TMEM132C: variants seen among roughly 807,000 people sequenced by gnomAD.
TMEM132C encodes the protein protein phosphatase 1, regulatory subunit 152.
Under a neutral mutation model 61.4 loss-of-function variants are expected in TMEM132C, and 29 were observed. The observed-to-expected ratio is 0.47, with a 90% CI of 0.35 to 0.64. The LOEUF (loss-of-function observed/expected upper bound fraction) is 0.64. Ranked by LOEUF, TMEM132C falls within the 30% of genes least tolerant of loss-of-function variation. The pLI is 0.00. For synonymous variants in TMEM132C, 656 were observed against 633.1 expected (o/e 1.04, Z -0.54); for missense variants, 1,408 against 1,476.9 (o/e 0.95, Z 0.76).
intron 2 of TMEM132C, among the ~76,000 whole-genome samples, chr12:128,538,713 A>G (rs905304955): frequency 6.6e-6 from 1 of 152,218 alleles, no homozygotes; most frequent in Non-Finnish European, 1.5e-5. Flanking sequence ...CGAGTAACGC[A>G]CTGATGTTGA....
At chr12:128,340,821 TTC>T (rs1282418066) in intron 1 of TMEM132C, among the ~76,000 whole-genome samples, 4 of 146,828 alleles carry the variant, frequency 2.7e-5, no homozygotes, top group Admixed American at 6.7e-5. Flanking sequence ...CTCTCTTTCT[TTC>T]TGTCTTTCTC....
In TMEM132C at chr12:128,704,005, C is replaced by T. The variant is rs138647397; in HGVS notation, c.2122-1085C>T. Among the ~76,000 whole-genome samples, 10 of 152,246 alleles carry T rather than the reference C, an allele frequency of 6.6e-5. No homozygotes were observed. In the East Asian group the frequency reaches 1.7e-3, roughly 26 times the overall value. ...TCTGTGGGATTATGTTTGCTGTGGG[C>T]ACACAAAGGGGAGAGGATGTCATTA... On this transcript the variant is annotated intron_variant, in intron 8 of 8. Transcript: ENST00000435159.
intron 4 of TMEM132C, among the ~76,000 whole-genome samples, chr12:128,665,176 C>T (rs1029294742): frequency 1.3e-5 from 2 of 148,248 alleles, no homozygotes; most frequent in South Asian, 2.1e-4. Context: ...CAAACAGGCA[C>T]ACACACACAC....
chr12:128,349,629 T>C (rs1873276720), intron 1 of TMEM132C, among the ~76,000 whole-genome samples: 1 of 152,222 alleles, frequency 6.6e-6, no homozygotes, highest in Admixed American at 6.5e-5. Context: ...TACCAATACC[T>C]ATTGGGCTCC....
At chr12:128,537,788 C>A (rs1385591991) in intron 2 of TMEM132C, among the ~76,000 whole-genome samples, 1 of 152,046 alleles carries the variant, frequency 6.6e-6, no homozygotes, top group Non-Finnish European at 1.5e-5. Flanking sequence ...CATGTGAAAA[C>A]GTGTAAAATC....
At chr12:128,429,462 C>T (rs555520005) in intron 2 of TMEM132C, among the ~76,000 whole-genome samples, 9 of 152,266 alleles carry the variant, frequency 5.9e-5, no homozygotes, top group East Asian at 1.9e-4. Context: ...CTGTGGATCA[C>T]GAATGTGCCC....
intron 2 of TMEM132C, among the ~76,000 whole-genome samples, chr12:128,455,654 G>A (rs144123396): frequency 5.6e-4 from 85 of 152,258 alleles, no homozygotes; most frequent in African/African-American, 2.0e-3. Context: ...TAATAGAAAC[G>A]TATGATCTTG....
chr12:128,441,902 TGAGGCAGGAGAATCACTTGAACCGGA>T (rs975391073), intron 2 of TMEM132C, among the ~76,000 whole-genome samples: 1 of 152,186 alleles, frequency 6.6e-6, no homozygotes, highest in African/African-American at 2.4e-5. Context: ...CTTGGGAGGC[TGAGGCAGGAGAATCACTTGAACCGGA>T]GAGGCAGAGG....
intron 2 of TMEM132C, among the ~76,000 whole-genome samples, chr12:128,419,155 A>G (rs1683726): frequency 0.82 from 124,602 of 151,862 alleles, 53,846 homozygotes; most frequent in South Asian, 0.98. Context: ...TGACACAACC[A>G]AAGGGCATAG....
intron 3 of TMEM132C, among the ~76,000 whole-genome samples, chr12:128,549,039 G>T (rs1020122738): frequency 6.6e-6 from 1 of 152,148 alleles, no homozygotes; most frequent in African/African-American, 2.4e-5. Flanking sequence ...TCCAAGCTTT[G>T]CTCTCATGCT....
intron 2 of TMEM132C, among the ~76,000 whole-genome samples, chr12:128,462,037 C>T (rs1224540474): frequency 6.6e-6 from 1 of 152,194 alleles, no homozygotes; most frequent in Non-Finnish European, 1.5e-5. Flanking sequence ...CTGTGAAATC[C>T]AGCCTCCTTG....
At chr12:128,531,896 A>G (rs1048898352) in intron 2 of TMEM132C, among the ~76,000 whole-genome samples, 1 of 152,138 alleles carries the variant, frequency 6.6e-6, no homozygotes, top group African/African-American at 2.4e-5. Flanking sequence ...GAGTAAGATG[A>G]CCCTGCTCAC....
At chr12:128,496,352 T>C (rs1871958374) in intron 2 of TMEM132C, among the ~76,000 whole-genome samples, 2 of 152,186 alleles carry the variant, frequency 1.3e-5, no homozygotes, top group South Asian at 2.1e-4. Context: ...TGGCGTTCTC[T>C]GTATTTCCTG....
chr12:128,656,271 G>A (rs376245377), intron 4 of TMEM132C, among the ~76,000 whole-genome samples: 117 of 152,170 alleles, frequency 7.7e-4, no homozygotes, highest in African/African-American at 2.7e-3. Flanking sequence ...GGCTGGTCTC[G>A]AACTCCTGAC....
chr12:128,369,634 TAA>T (rs1407254126), intron 1 of TMEM132C, among the ~76,000 whole-genome samples: 2 of 152,224 alleles, frequency 1.3e-5, no homozygotes, highest in African/African-American at 4.8e-5. Context: ...TTCATTTGAA[TAA>T]AAGACTCCAC....
chr12:128,559,372 A>C (rs2136162372), intron 3 of TMEM132C, among the ~76,000 whole-genome samples: 1 of 152,226 alleles, frequency 6.6e-6, no homozygotes, highest in South Asian at 2.1e-4. Context: ...GGTTATTCTC[A>C]GGTTTTTTGG....
intron 1 of TMEM132C, among the ~76,000 whole-genome samples, chr12:128,323,141 G>T (rs116615414): frequency 0.021 from 3,213 of 152,268 alleles, 106 homozygotes; most frequent in African/African-American, 0.073. Flanking sequence ...CATTACAGAA[G>T]AAAACTTCCA....
At chr12:128,606,350 C>T (rs1005300692) in intron 3 of TMEM132C, among the ~76,000 whole-genome samples, 11 of 152,218 alleles carry the variant, frequency 7.2e-5, no homozygotes, top group South Asian at 2.1e-4. Flanking sequence ...CCGCCTGGGG[C>T]TTTCACATAG....
intron 4 of TMEM132C, among the ~76,000 whole-genome samples, chr12:128,623,881 T>A (rs936422500): frequency 6.6e-6 from 1 of 151,756 alleles, no homozygotes; most frequent in African/African-American, 2.4e-5. Context: ...ACATAAGCAA[T>A]AAGAAGAAGA....
Sources: gnomAD v4.1 joint callset for allele counts (sites outside exome capture counted in the v4.1 genomes callset) on GRCh38, gnomAD v4.1.1 for gene constraint, MANE v1.5 for transcripts, NCBI Gene and HGNC (gene_info 2026-07-23, HGNC 2026-07-21) for gene names.